Variants in KCNJ6 observed in about 807,000 individuals in gnomAD.
KCNJ6 encodes potassium inwardly rectifying channel subfamily J member 6.
Under a neutral mutation model 34.2 loss-of-function variants are expected in KCNJ6, and 9 were observed. The ratio of observed to expected loss-of-function variants is 0.26; its 90% CI spans 0.16 to 0.46. The LOEUF is 0.46. KCNJ6 is among the 20% of genes least tolerant of loss of function. The probability of loss-of-function intolerance (pLI) is 1.00; values close to 1 mark genes in which losing one functional copy is unlikely to be tolerated. For synonymous variants in KCNJ6, 196 were observed against 207.1 expected, an observed-to-expected ratio of 0.95 and a Z score of 0.46; for missense variants, 236 against 531.3, an observed-to-expected ratio of 0.44 and a Z score of 5.46.
chr21:37,900,189 T>C (rs758908913), intron 1 of KCNJ6, among the ~76,000 whole-genome samples: 2 of 152,242 alleles, frequency 1.3e-5, no homozygotes, highest in Non-Finnish European at 2.9e-5. Flanking sequence ...TAATGCTTTA[T>C]ACTAAAAAGG....
chr21:37,858,583 G>A (rs923824915), intron 1 of KCNJ6, among the ~76,000 whole-genome samples: 1 of 152,008 alleles, frequency 6.6e-6, no homozygotes, highest in Admixed American at 6.6e-5. Flanking sequence ...ACATAGAAAA[G>A]GGGAAAAACA....
At position 37,624,197 on chromosome 21, in the gene KCNJ6, A is replaced by G. The variant is rs1302343357; in HGVS notation, c.*962T>C. The G allele has an allele frequency of 6.6e-6, 1 of 152,220 alleles. No homozygotes were observed. Among genetic ancestry groups the G allele is most frequent in the Non-Finnish European group, 1.5e-5 (1 of 68,046 alleles). The allele number at this position is 152,220 out of a possible 1,614,324, so 9.4% of individuals were successfully genotyped here. A position where few individuals can be genotyped will look rare whatever the true frequency, so the allele number is the denominator to read the frequency against. ...TAGTGAGGCCCTTGTTATCTTTTAA[A>G]AAAAGACATCTGTTTTGTAACATTT... is the stretch of plus-strand genomic sequence containing the variant. On this transcript the variant is annotated 3_prime_UTR_variant, in exon 4 of 4. Coordinates refer to ENST00000609713, the MANE Select transcript of KCNJ6 (RefSeq NM_002240.5).
chr21:37,778,798 C>T (rs1415021924), intron 2 of KCNJ6, among the ~76,000 whole-genome samples: 1 of 151,310 alleles, frequency 6.6e-6, no homozygotes, highest in Non-Finnish European at 1.5e-5. Flanking sequence ...GCATGTGTAC[C>T]CCCCACTTAT....
intron 2 of KCNJ6, among the ~76,000 whole-genome samples, chr21:37,817,859 T>C (rs1403849663): frequency 2.0e-5 from 3 of 152,110 alleles, no homozygotes; most frequent in African/African-American, 4.8e-5. Flanking sequence ...TACAACAGAG[T>C]GGGTACAACA....
At chr21:37,829,635 G>A (rs1301950625) in intron 2 of KCNJ6, among the ~76,000 whole-genome samples, 1 of 152,204 alleles carries the variant, frequency 6.6e-6, no homozygotes, top group African/African-American at 2.4e-5. Context: ...TGCCAAGCTG[G>A]GCTGGTAATG....
chr21:37,871,024 T>C (rs1028385724), intron 1 of KCNJ6, among the ~76,000 whole-genome samples: 4 of 152,194 alleles, frequency 2.6e-5, no homozygotes, highest in African/African-American at 9.7e-5. Flanking sequence ...TTTTCTTACT[T>C]TCCTGATTCT....
chr21:37,686,613 A>G (rs1162030892), intron 3 of KCNJ6, among the ~76,000 whole-genome samples: 3 of 151,588 alleles, frequency 2.0e-5, no homozygotes. Flanking sequence ...GATTACAGGC[A>G]CCCACCATCA....
intron 1 of KCNJ6, among the ~76,000 whole-genome samples, chr21:37,864,113 A>ATTTTTTTTTT (rs3988669): frequency 6.8e-6 from 1 of 147,154 alleles, no homozygotes; most frequent in Non-Finnish European, 1.5e-5. Flanking sequence ...CCAATTCTCT[A>ATTTTTTTTTT]TTTTTTTTTT....
chr21:37,629,872 T>C (rs1373448360), intron 3 of KCNJ6, among the ~76,000 whole-genome samples: 2 of 152,006 alleles, frequency 1.3e-5, no homozygotes, highest in African/African-American at 4.8e-5. Flanking sequence ...TGGATGCTTT[T>C]CCAATTTTTA....
chr21:37,764,234 G>A (rs1394864421), intron 2 of KCNJ6, among the ~76,000 whole-genome samples: 1 of 152,152 alleles, frequency 6.6e-6, no homozygotes, highest in African/African-American at 2.4e-5. Flanking sequence ...CTGGTTTGAA[G>A]GGACTTTCTC....
At chr21:37,762,429 TC>T (rs1372857643) in intron 2 of KCNJ6, among the ~76,000 whole-genome samples, 1 of 151,806 alleles carries the variant, frequency 6.6e-6, no homozygotes, top group Non-Finnish European at 1.5e-5. Flanking sequence ...AACCACGTGG[TC>T]CACAGGTCTT....
chr21:37,784,550 C>T (rs2123515739), intron 2 of KCNJ6, among the ~76,000 whole-genome samples: 1 of 152,242 alleles, frequency 6.6e-6, no homozygotes, highest in Non-Finnish European at 1.5e-5. Context: ...CACCTGTCTC[C>T]CAGGACAGAT....
chr21:37,810,773 G>A (rs1308700455), intron 2 of KCNJ6, among the ~76,000 whole-genome samples: 2 of 152,174 alleles, frequency 1.3e-5, no homozygotes, highest in African/African-American at 2.4e-5. Flanking sequence ...TATACATATT[G>A]TATTTAGCCT....
At chr21:37,880,530 A>C (rs2055702406) in intron 1 of KCNJ6, among the ~76,000 whole-genome samples, 1 of 152,248 alleles carries the variant, frequency 6.6e-6, no homozygotes, top group Admixed American at 6.5e-5. Flanking sequence ...GATTGATAAA[A>C]CGGCAGGGAT....
At chr21:37,912,955 C>T (rs988896557) in intron 1 of KCNJ6, among the ~76,000 whole-genome samples, 9 of 152,236 alleles carry the variant, frequency 5.9e-5, no homozygotes, top group Non-Finnish European at 1.2e-4. Flanking sequence ...ATCCACAAAA[C>T]AGGAAAGCAG....
intron 3 of KCNJ6, among the ~76,000 whole-genome samples, chr21:37,653,054 G>A (rs1273396011): frequency 1.3e-5 from 2 of 152,036 alleles, no homozygotes; most frequent in Non-Finnish European, 2.9e-5. Context: ...TCATCTGCCC[G>A]TGTGTGTGTG....
chr21:37,700,467 C>G (rs1003540780), intron 3 of KCNJ6, among the ~76,000 whole-genome samples: 8 of 152,184 alleles, frequency 5.3e-5, no homozygotes, highest in African/African-American at 7.2e-5. Context: ...TCTCTATTCT[C>G]TAGCTCCTCA....
At chr21:37,877,218 C>T (rs561803247) in intron 1 of KCNJ6, among the ~76,000 whole-genome samples, 1 of 152,224 alleles carries the variant, frequency 6.6e-6, no homozygotes, top group African/African-American at 2.4e-5. Flanking sequence ...AATAAAAATC[C>T]ACCCTCTCAC....
At chr21:37,761,267 GT>G (rs2055060815) in intron 2 of KCNJ6, among the ~76,000 whole-genome samples, 1 of 150,876 alleles carries the variant, frequency 6.6e-6, no homozygotes, top group South Asian at 2.1e-4. Context: ...TATGTGTGTT[GT>G]GTGTGGTAGT....
Sources: allele counts gnomAD v4.1 joint callset (sites outside exome capture counted in the v4.1 genomes callset), GRCh38; gene constraint gnomAD v4.1.1; transcripts MANE v1.5; gene names NCBI Gene and HGNC (gene_info 2026-07-23, HGNC 2026-07-21).